Variants in PSG6 observed in about 807,000 individuals in gnomAD.
PSG6 encodes pregnancy-specific beta-1-glycoprotein 6.
Under a neutral mutation model 43.3 loss-of-function variants are expected in PSG6, and 51 were observed. That is an observed-to-expected ratio of 1.18 (90% CI 0.94 to 1.49). The LOEUF (loss-of-function observed/expected upper bound fraction) is 1.49, where lower values mean the gene tolerates loss of function less well. Ranked by LOEUF, PSG6 falls within the 40% of genes most tolerant of loss-of-function variation. The pLI is 0.00. For synonymous variants in PSG6, 292 were observed against 197.6 expected (o/e 1.48, Z -4.01); for missense variants, 770 against 522.2 (o/e 1.47, Z -4.62).
At position 42,907,040 on chromosome 19, in the gene PSG6, T is replaced by G; in HGVS notation, c.1122A>C (p.Ser374=). ...TTTGGGGGATAAAGAGCTTTTGTCC[T>G]GATAGCTGAAACTTCCCATTAATTG... is the stretch of plus-strand genomic sequence containing the variant. ...SWTINGKFQL[S]GQKLFIPQIT... Residue 374 remains serine, a synonymous_variant, in exon 5 of 6, where the codon TCA becomes TCC. Coordinates refer to ENST00000187910, the MANE Select transcript of PSG6 (RefSeq NM_001031850.4). 6.2e-7 allele frequency: 1 copy of G among 1,612,652 alleles called. No individual in the cohort carries two copies. Among genetic ancestry groups the G allele is most frequent in the Non-Finnish European group, 8.5e-7 (1 of 1,179,214 alleles).
At chr19:42,905,158 G>C (rs1467406563) in intron 5 of PSG6, among the ~76,000 whole-genome samples, 2 of 151,602 alleles carry the variant, frequency 1.3e-5, no homozygotes, top group African/African-American at 2.4e-5. Flanking sequence ...AAATGTAAGA[G>C]TAAAAACTAT....
chr19:42,903,907 A>T (rs1430317681), intron 5 of PSG6, among the ~76,000 whole-genome samples: 2 of 151,562 alleles, frequency 1.3e-5, no homozygotes, highest in African/African-American at 4.9e-5. Context: ...CTCTGTCTTA[A>T]AAGAAAAAGA....
intron 2 of PSG6, among the ~76,000 whole-genome samples, chr19:42,913,546 C>G (rs7260479): frequency 0.13 from 20,453 of 151,560 alleles, 1,822 homozygotes; most frequent in Admixed American, 0.18. Context: ...TTATGCCTGA[C>G]AGGAAGCCAG....
At chr19:42,908,510 C>A (rs1257756618) in intron 3 of PSG6, among the ~76,000 whole-genome samples, 1 of 151,678 alleles carries the variant, frequency 6.6e-6, no homozygotes, top group Non-Finnish European at 1.5e-5. Flanking sequence ...GAGCAGAGTG[C>A]AAGGAATGAT....
intron 5 of PSG6, among the ~76,000 whole-genome samples, chr19:42,906,195 C>T (rs1972108803): frequency 6.6e-6 from 1 of 151,576 alleles, no homozygotes. Context: ...GTGCTGTGTC[C>T]CACGTGCTGT....
At chr19:42,906,514 G>A in intron 5 of PSG6, 30 of 1,257,100 alleles carry the variant, frequency 2.4e-5, no homozygotes, top group East Asian at 3.2e-5. Context: ...GGGGAAAAGT[G>A]TGAGCTTGTT....
rs1367115067 is a variant in PSG6 at position 42,911,811 on chromosome 19, T to C, written c.428-953A>G. Among the ~76,000 whole-genome samples, 2 of 151,666 alleles carry C rather than the reference T, an allele frequency of 1.3e-5. 1 individual carries two copies. Among genetic ancestry groups the C allele is most frequent in the East Asian group, 3.9e-4 (2 of 5,180 alleles). ...CTTTCTCTTATTAGACATTCTACTC[T>C]CTGATTCTGAGTTTGACTACTCTAT... On this transcript the variant is annotated intron_variant, in intron 2 of 5. Coordinates refer to ENST00000187910, the MANE Select transcript of PSG6 (RefSeq NM_001031850.4).
Position 42,902,310 on chromosome 19 carries a change from T to G in PSG6, c.*102A>C. 1 of 1,323,746 alleles carries G rather than the reference T, an allele frequency of 7.6e-7. No homozygotes were observed. Among genetic ancestry groups the G allele is most frequent in the South Asian group, 1.5e-5 (1 of 65,406 alleles). The allele number at this position is 1,323,746 out of a possible 1,614,324, so 82.0% of individuals were successfully genotyped here. The stretch of plus-strand genomic sequence containing the variant: ...AAAAATTATGAAAACATTATCCTTT[T>G]GATTATTTAGTCCAATAACATTGAG... On this transcript the variant is annotated 3_prime_UTR_variant, in exon 6 of 6. Transcript: ENST00000187910.
chr19:42,915,913 G>T, intron 2 of PSG6: 1 of 715,618 alleles, frequency 1.4e-6, no homozygotes, highest in East Asian at 2.9e-5. Flanking sequence ...TTCCTCTGCA[G>T]CGAGTGTCTG....
At position 42,917,847 on chromosome 19, in the gene PSG6, C is replaced by T. The variant is rs1972369045; in HGVS notation, c.-55G>A. On this transcript the variant is annotated 5_prime_UTR_variant, in exon 1 of 6. Transcript: ENST00000187910. ...TGGAGATGAGCCTAGGATCCAGAGACTTCCTGAGCAGGGCTGTCAGGTGTG... is the reference window on the plus strand; with the variant it reads ...TGGAGATGAGCCTAGGATCCAGAGATTTCCTGAGCAGGGCTGTCAGGTGTG... 4 of 1,583,250 alleles carry T rather than the reference C, an allele frequency of 2.5e-6. No individual in the cohort carries two copies. In the Admixed American group the frequency reaches 5.2e-5, roughly 20 times the overall value.
intron 2 of PSG6, 68 bp from the exon 3 acceptor site, chr19:42,910,926 T>G: frequency 2.6e-6 from 4 of 1,539,594 alleles, no homozygotes; most frequent in South Asian, 1.3e-5. Flanking sequence ...CATTTTTCAA[T>G]CAGAGTTGGC....
chr19:42,912,416 A>T (rs1182076336), intron 2 of PSG6, among the ~76,000 whole-genome samples: 1 of 151,728 alleles, frequency 6.6e-6, no homozygotes, highest in Non-Finnish European at 1.5e-5. Flanking sequence ...GACCAAAATA[A>T]GGTTTAGGTG....
Position 42,910,324 on chromosome 19 carries a change from C to A in PSG6, c.706+256G>T, listed in dbSNP as rs536227759. 20 of 951,648 alleles carry A rather than the reference C, an allele frequency of 2.1e-5. 1 individual carries two copies. In the East Asian group the frequency reaches 5.5e-4, roughly 26 times the overall value. 59.0% of individuals were successfully genotyped at this position (951,648 alleles called of 1,614,324 possible). ...CCCCGCTGTGTTCACTGATCTGGAG[C>A]CTGAGACATTCACCTGTTTCTTCCA... is the stretch of plus-strand genomic sequence containing the variant. On this transcript the variant is annotated intron_variant, in intron 3 of 5. Coordinates refer to ENST00000187910, the MANE Select transcript of PSG6 (RefSeq NM_001031850.4).
At chr19:42,904,868 A>G (rs931230013) in intron 5 of PSG6, among the ~76,000 whole-genome samples, 22 of 151,666 alleles carry the variant, frequency 1.5e-4, no homozygotes, top group Non-Finnish European at 2.6e-4. Flanking sequence ...GAGGACTCAC[A>G]CTTCCTGATT....
rs1047070235 is a variant in PSG6, at chr19:42,914,051, T to C, written c.427+2074A>G. Among the ~76,000 whole-genome samples, 23 of 151,642 alleles carry C rather than the reference T, an allele frequency of 1.5e-4. 2 individuals are homozygous for C. The highest frequency in any genetic ancestry group is 1.4e-3 in the Admixed American group (22 of 15,184). ...TAAATTTTATTTTATTTTATATTTT[T>C]TTGTGTGCAGGAGGCCAGAGGAACT... is the stretch of plus-strand genomic sequence containing the variant. On this transcript the variant is annotated intron_variant, in intron 2 of 5. Transcript: ENST00000187910.
intron 1 of PSG6, among the ~76,000 whole-genome samples, chr19:42,917,264 T>C (rs769054373): frequency 2.6e-5 from 4 of 151,574 alleles, no homozygotes; most frequent in Admixed American, 2.6e-4. Context: ...CGGTTCAATG[T>C]GACTTTCCTA....
At chr19:42,908,386 C>T (rs1187902284) in intron 3 of PSG6, among the ~76,000 whole-genome samples, 1 of 151,728 alleles carries the variant, frequency 6.6e-6, no homozygotes, top group Non-Finnish European at 1.5e-5. Flanking sequence ...ACAGGGAAGA[C>T]CAGAGTCAAG....
At chr19:42,902,649 T>A (rs1443742542) in intron 5 of PSG6, among the ~76,000 whole-genome samples, 2 of 151,530 alleles carry the variant, frequency 1.3e-5, no homozygotes, top group African/African-American at 4.9e-5. Context: ...ACCTAAAACT[T>A]CTTTCTCTTT....
At position 42,911,457 on chromosome 19, in the gene PSG6, G is replaced by A. The variant is rs1294784922; in HGVS notation, c.428-599C>T. Reference sequence around the variant, plus strand: ...AGCCACAAGGTGGGGCAGTTTTCCAGGTGTCTCATAGTGACTGAGTTGAGC... The same window carrying A: ...AGCCACAAGGTGGGGCAGTTTTCCAAGTGTCTCATAGTGACTGAGTTGAGC... On this transcript the variant is annotated intron_variant, in intron 2 of 5. Coordinates refer to ENST00000187910, the MANE Select transcript of PSG6 (RefSeq NM_001031850.4). Among the ~76,000 whole-genome samples, 37 of 151,464 alleles carry A rather than the reference G, an allele frequency of 2.4e-4. 3 individuals carry two copies. The highest frequency in any genetic ancestry group is 1.7e-3 in the Admixed American group (26 of 15,150).
Sources: allele counts gnomAD v4.1 joint callset (sites outside exome capture counted in the v4.1 genomes callset), GRCh38; gene constraint gnomAD v4.1.1; transcripts MANE v1.5; gene names NCBI Gene and HGNC (gene_info 2026-07-23, HGNC 2026-07-21).